RNF17: variants seen among roughly 807,000 people sequenced by gnomAD.
RNF17 encodes the protein ring finger protein 17.
In RNF17, 31 loss-of-function variants were observed where a neutral mutation model predicts 200.5. That is an observed-to-expected ratio of 0.15 (90% CI 0.12 to 0.21). RNF17 has a LOEUF of 0.21. Ranked by LOEUF, RNF17 falls within the 10% of genes least tolerant of loss-of-function variation. The probability of loss-of-function intolerance (pLI) is 1.00; values close to 1 mark genes in which losing one functional copy is unlikely to be tolerated. For synonymous variants in RNF17, 606 were observed against 637.8 expected (o/e 0.95, Z 0.75); for missense variants, 1,628 against 1,905.1 (o/e 0.85, Z 2.71).
rs765908473 is a variant in RNF17 at position 24,788,112 on chromosome 13, G to A, written c.736G>A (p.Ala246Thr). The change falls in exon 7 of 36, where the codon GCA becomes ACA. Residue 246 changes from alanine (A) to threonine (T), a missense_variant. Ala to Thr is a moderately conservative substitution (Grantham distance 58, BLOSUM62 0). This residue lies in a region of RNF17 where 502 missense variants were observed against 501.7 expected (regional missense o/e 1.00). Transcript: ENST00000255324. ...NLNAAMNIARALQLSPSLRTY... is the reference protein window; with the variant it reads ...NLNAAMNIARTLQLSPSLRTY... ...GAATGCAGCTATGAACATAGCAAGA[G>A]CATTACAATTATCGCCTTCTCTAAG... The A allele has an allele frequency of 3.9e-5, 62 of 1,596,366 alleles. 1 individual carries two copies. Among genetic ancestry groups the A allele is most frequent in the Middle Eastern group, 3.3e-4 (2 of 6,030 alleles).
chr13:24,837,423 A>G (rs1314183314), intron 18 of RNF17, among the ~76,000 whole-genome samples: 2 of 152,198 alleles, frequency 1.3e-5, no homozygotes, highest in Admixed American at 6.6e-5. Context: ...TACCCATTCT[A>G]TTCAACAGCG....
intron 15 of RNF17, among the ~76,000 whole-genome samples, chr13:24,818,788 A>G (rs184608419): frequency 5.9e-5 from 9 of 152,172 alleles, no homozygotes; most frequent in African/African-American, 2.2e-4. Flanking sequence ...TATAAAGTGT[A>G]TCTCTTGTGG....
chr13:24,755,430 T>C, the RNF17 span, among the ~76,000 whole-genome samples: 4 of 152,282 alleles, frequency 2.6e-5, no homozygotes, highest in Non-Finnish European at 4.4e-5. Context: ...GATTGGAACA[T>C]ATGAATTGTT....
At chr13:24,853,566 T>A (rs1892162600) in intron 24 of RNF17, among the ~76,000 whole-genome samples, 1 of 152,192 alleles carries the variant, frequency 6.6e-6, no homozygotes, top group Admixed American at 6.5e-5. Flanking sequence ...TATCTTCTAG[T>A]AACATTGAAT....
the RNF17 span, chr13:24,885,309 G>A: frequency 1.2e-6 from 2 of 1,613,270 alleles, no homozygotes; most frequent in Non-Finnish European, 1.7e-6. Flanking sequence ...CTCCCTGTAT[G>A]TCTTGGTCTT....
intron 15 of RNF17, among the ~76,000 whole-genome samples, 177 bp downstream of exon 15, chr13:24,804,606 C>G (rs758423424): frequency 6.6e-6 from 1 of 152,120 alleles, no homozygotes; most frequent in Non-Finnish European, 1.5e-5. Context: ...TGATTTATCA[C>G]AAATTGAAAG....
chr13:24,873,864 T>C (rs887762530), intron 32 of RNF17, among the ~76,000 whole-genome samples: 1 of 152,228 alleles, frequency 6.6e-6, no homozygotes, highest in Admixed American at 6.5e-5. Context: ...GATCCATCCA[T>C]GTTGCTGCAA....
intron 16 of RNF17, among the ~76,000 whole-genome samples, chr13:24,829,780 G>A (rs1441897600): frequency 6.6e-6 from 1 of 152,152 alleles, no homozygotes; most frequent in Non-Finnish European, 1.5e-5. Flanking sequence ...CTCTGTGTTT[G>A]AAACTTCCAG....
intron 16 of RNF17, among the ~76,000 whole-genome samples, chr13:24,827,283 A>G (rs1407752167): frequency 1.3e-5 from 2 of 151,674 alleles, no homozygotes; most frequent in Non-Finnish European, 2.9e-5. Context: ...TCCATTATTA[A>G]GGTAATCTAA....
At chr13:24,883,081 C>G, downstream of RNF17, 2 of 1,101,836 alleles carry the variant, frequency 1.8e-6, no homozygotes, top group South Asian at 2.5e-5. Flanking sequence ...ATCTTTTCCC[C>G]ACACATACAC....
chr13:24,813,358 G>C (rs758016555), intron 15 of RNF17, among the ~76,000 whole-genome samples: 1 of 151,956 alleles, frequency 6.6e-6, no homozygotes, highest in Non-Finnish European at 1.5e-5. Context: ...GTCTTGCTAG[G>C]TAATCCAGGC....
At chr13:24,780,256 GTCATT>G (rs1456770454) in intron 5 of RNF17, among the ~76,000 whole-genome samples, 2 of 152,114 alleles carry the variant, frequency 1.3e-5, no homozygotes, top group Non-Finnish European at 2.9e-5. Flanking sequence ...ACTATCAAAA[GTCATT>G]TCTCAAGAGG....
chr13:24,795,390 C>CCT lies in RNF17; in HGVS notation c.1241-736_1241-735dup, dbSNP rs1238896418. Among the ~76,000 whole-genome samples the CCT allele has an allele frequency of 2.0e-5, 3 of 149,850 alleles. No homozygotes were observed. The East Asian group carries it at 5.8e-4, about 29-fold the overall frequency. On this transcript the variant is annotated intron_variant, in intron 10 of 35. Coordinates refer to ENST00000255324, the MANE Select transcript of RNF17 (RefSeq NM_031277.3). ...AATTATTTTTCCAAACTTCTCTCTC[C>CCT]CTCTCTCTCTCTATGTGTGTGTGGC...
At chr13:24,881,914 A>ATAT (rs1953846446), downstream of RNF17, among the ~76,000 whole-genome samples, 1 of 58,970 alleles carries the variant, frequency 1.7e-5, no homozygotes, top group Non-Finnish European at 3.9e-5. Context: ...ATATATAGAT[A>ATAT]CATCTATATA....
At chr13:24,834,611 T>C (rs565806099) in intron 18 of RNF17, among the ~76,000 whole-genome samples, 4 of 152,238 alleles carry the variant, frequency 2.6e-5, no homozygotes, top group African/African-American at 9.6e-5. Context: ...TTTCCAACTT[T>C]ACCTGGAGCT....
intron 22 of RNF17, 82 bp from the exon 23 acceptor site, chr13:24,850,257 CTG>C (rs1891726499): frequency 1.3e-6 from 1 of 787,762 alleles, no homozygotes; most frequent in East Asian, 2.7e-5. Context: ...ATGAGTGTAT[CTG>C]TGTGTAAATA....
chr13:24,767,471 C>T lies in RNF17; in HGVS notation c.225+105C>T, dbSNP rs556023384. 2.7e-5 allele frequency: 21 copies of T among 772,956 alleles called. No individual in the cohort carries two copies. In the Admixed American group the frequency reaches 3.1e-4, roughly 11 times the overall value. 47.9% of individuals were successfully genotyped at this position (772,956 alleles called of 1,614,324 possible). On this transcript the variant is annotated intron_variant, in intron 2 of 35. Transcript: ENST00000255324. ...TCTAGTTAGAAACTAAAAAGTTGGC[C>T]GGGCGTGGTGGCTGACGCCTGTAAT...
chr13:24,779,623 GT>G, intron 4 of RNF17, 43 bp from the exon 5 acceptor site: 1 of 1,468,200 alleles, frequency 6.8e-7, no homozygotes. Flanking sequence ...CTAGGCATCT[GT>G]TTTTTAGTTT....
chr13:24,796,016 G>C, intron 10 of RNF17, 121 bp from the exon 11 acceptor site: 1 of 591,490 alleles, frequency 1.7e-6, no homozygotes, highest in Non-Finnish European at 2.7e-6. Flanking sequence ...GCCGACGTGC[G>C]ATATTCCCAG....
Sources: gnomAD v4.1 joint callset for allele counts (sites outside exome capture counted in the v4.1 genomes callset) on GRCh38, gnomAD v4.1.1 for gene constraint, gnomAD v4.1.1 regional missense constraint, MANE v1.5 for transcripts, NCBI Gene and HGNC (gene_info 2026-07-23, HGNC 2026-07-21) for gene names.